The following ECE1 variants were observed in gnomAD, a reference collection of about 807,000 sequenced individuals.
The protein encoded by ECE1 is endothelin converting enzyme 1, also known as endothelin-converting enzyme 1.
ECE1 carries 35 observed loss-of-function variants against 98.6 expected under a neutral mutation model. The ratio of observed to expected loss-of-function variants is 0.35; its 90% CI spans 0.27 to 0.47. The LOEUF (loss-of-function observed/expected upper bound fraction) is 0.47. ECE1 is among the 20% of genes least tolerant of loss of function. The pLI, the probability that ECE1 is intolerant of heterozygous loss-of-function variation, is 1.00. For missense variants in ECE1, 814 were observed against 1,025.3 expected, an observed-to-expected ratio of 0.79 and a Z score of 2.81; for synonymous variants, 394 against 407.1, an observed-to-expected ratio of 0.97 and a Z score of 0.39.
chr1:21,227,097 A>G lies in ECE1; in HGVS notation c.1849+62T>C, dbSNP rs1160127617. The G allele has an allele frequency of 4.5e-6, 7 of 1,562,810 alleles. No homozygotes were observed. The Admixed American group carries it at 8.4e-5, about 19-fold the overall frequency. On this transcript the variant is annotated intron_variant, in intron 16 of 18. Transcript: ENST00000374893. ...GGTCTCAAACTCCTGCCCTCAAGCA[A>G]TCCTCCTCTTAAAGCACGGAGATTA...
At chr1:21,247,461 G>A (rs2098205425) in intron 8 of ECE1, 98 bp from the exon 9 acceptor site, 1 of 1,585,230 alleles carries the variant, frequency 6.3e-7, no homozygotes, top group Non-Finnish European at 8.6e-7. Flanking sequence ...GAAAGAGCTT[G>A]GGCTTGGCGC....
chr1:21,257,331 TG>T (rs915782424), intron 7 of ECE1, among the ~76,000 whole-genome samples, 193 bp downstream of exon 7: 1 of 152,190 alleles, frequency 6.6e-6, no homozygotes, highest in African/African-American at 2.4e-5. Context: ...TCTTGCCCCT[TG>T]TGTCCATGAT....
At chr1:21,243,618 T>G (rs189836829) in intron 10 of ECE1, among the ~76,000 whole-genome samples, 3 of 152,208 alleles carry the variant, frequency 2.0e-5, no homozygotes, top group Admixed American at 2.0e-4. Flanking sequence ...TATGTGGGTG[T>G]ATGTTCCACA....
chr1:21,280,105 TGGCAG>T (rs2098252670), intron 2 of ECE1: 1 of 152,214 alleles, frequency 6.6e-6, no homozygotes. Flanking sequence ...GTGCAGGGTG[TGGCAG>T]GGCCCTCCCT....
chr1:21,323,646 A>C (rs1399045726), intron 1 of ECE1, among the ~76,000 whole-genome samples: 2 of 115,268 alleles, frequency 1.7e-5, no homozygotes, highest in African/African-American at 3.6e-5. Context: ...ATAAAATAAA[A>C]TAAAATAAAA....
chr1:21,267,428 G>C (rs2103311783), intron 4 of ECE1, among the ~76,000 whole-genome samples: 1 of 152,328 alleles, frequency 6.6e-6, no homozygotes, highest in African/African-American at 2.4e-5. Flanking sequence ...CAGGCAAAGA[G>C]AGAGAGAGGC....
intron 1 of ECE1, among the ~76,000 whole-genome samples, chr1:21,334,856 G>A (rs549799131): frequency 5.3e-5 from 8 of 152,100 alleles, no homozygotes; most frequent in Non-Finnish European, 8.8e-5. Context: ...CAGGACAGAC[G>A]AATATCCTGA....
At chr1:21,264,826 G>C (rs745477052) in intron 4 of ECE1, among the ~76,000 whole-genome samples, 14 of 152,076 alleles carry the variant, frequency 9.2e-5, no homozygotes, top group Admixed American at 2.0e-4. Context: ...TGCCACCCTG[G>C]GTGACGGGGT....
At chr1:21,298,513 A>C (rs559483837) in intron 1 of ECE1, 1 of 334,292 alleles carries the variant, frequency 3.0e-6, no homozygotes, top group East Asian at 7.5e-5. Flanking sequence ...ACCCCAAAGG[A>C]TCCTTACACG....
At chr1:21,259,226 A>C (rs547434852) in intron 5 of ECE1, among the ~76,000 whole-genome samples, 2 of 152,304 alleles carry the variant, frequency 1.3e-5, no homozygotes, top group South Asian at 4.1e-4. Context: ...ATGTTTAAGA[A>C]GGTTGGTAAA....
chr1:21,328,749 G>A (rs213034), intron 1 of ECE1, among the ~76,000 whole-genome samples: 15,503 of 136,344 alleles, frequency 0.11, 1,080 homozygotes, highest in East Asian at 0.38. Flanking sequence ...AGCAACAAGA[G>A]CGAACCTCCA....
At chr1:21,290,938 A>ATTT (rs1486994258), upstream of ECE1, among the ~76,000 whole-genome samples, 2 of 151,460 alleles carry the variant, frequency 1.3e-5, no homozygotes, top group African/African-American at 4.9e-5. The surrounding 1 kb of genome is among the most constrained non-coding windows in gnomAD (Gnocchi z 7.3). Flanking sequence ...ATTTCAGAGA[A>ATTT]CTCCCTGACA....
chr1:21,329,612 T>C (rs559848846), intron 1 of ECE1, among the ~76,000 whole-genome samples: 124 of 152,342 alleles, frequency 8.1e-4, no homozygotes, highest in Non-Finnish European at 5.9e-5. Context: ...AGGTGCCTTA[T>C]GCAAAGCACA....
At chr1:21,243,839 G>T (rs2098199720) in intron 10 of ECE1, among the ~76,000 whole-genome samples, 1 of 152,242 alleles carries the variant, frequency 6.6e-6, no homozygotes, top group Non-Finnish European at 1.5e-5. Flanking sequence ...CCTCTGCAGG[G>T]CAGTATGCTT....
intron 12 of ECE1, among the ~76,000 whole-genome samples, chr1:21,236,193 C>T (rs937248721): frequency 4.3e-4 from 66 of 152,276 alleles, no homozygotes; most frequent in African/African-American, 1.2e-3. Flanking sequence ...TCCCGACCCA[C>T]GGGACGTGCT....
rs190763580 is a variant in ECE1, at chr1:21,298,515, C to G, written c.4-8359G>C. 218 of 337,666 alleles carry G rather than the reference C, an allele frequency of 6.5e-4. 1 individual carries two copies. Among genetic ancestry groups the G allele is most frequent in the African/African-American group, 4.5e-3 (212 of 46,632 alleles). The allele number at this position is 337,666 out of a possible 1,614,324, so 20.9% of individuals were successfully genotyped here. A position where few individuals can be genotyped will look rare whatever the true frequency, so the allele number is the denominator to read the frequency against. The stretch of plus-strand genomic sequence containing the variant: ...GATCATGGTGCCGACCCCAAAGGAT[C>G]CTTACACGTCTTAAAAAAGTGAGCC... On this transcript the variant is annotated intron_variant, in intron 1 of 18. Coordinates refer to the ECE1 transcript ENST00000415912.
At chr1:21,324,357 C>T (rs191957523) in intron 1 of ECE1, among the ~76,000 whole-genome samples, 1 of 152,324 alleles carries the variant, frequency 6.6e-6, no homozygotes, top group East Asian at 1.9e-4. Flanking sequence ...GGCCCATCCC[C>T]AAGGGAGAAA....
intron 1 of ECE1, among the ~76,000 whole-genome samples, chr1:21,329,696 G>A (rs1168466739): frequency 1.3e-5 from 2 of 152,180 alleles, no homozygotes; most frequent in Non-Finnish European, 2.9e-5. Flanking sequence ...CCTCCTACCT[G>A]CCACAGGAGA....
chr1:21,245,921 C>T (rs2098202823), intron 9 of ECE1, among the ~76,000 whole-genome samples: 1 of 152,114 alleles, frequency 6.6e-6, no homozygotes, highest in South Asian at 2.1e-4. Context: ...CCCATGCTTT[C>T]TCTCTACATA....
Sources: gnomAD v4.1 joint callset for allele counts (sites outside exome capture counted in the v4.1 genomes callset) on GRCh38, gnomAD v4.1.1 for gene constraint, Gnocchi (gnomAD v3.1) non-coding constraint, MANE v1.5 for transcripts, NCBI Gene and HGNC (gene_info 2026-07-23, HGNC 2026-07-21) for gene names.